MINDY3: variants seen among roughly 807,000 people sequenced by gnomAD.
MINDY3 encodes MINDY lysine 48 deubiquitinase 3.
Under a neutral mutation model 69.2 loss-of-function variants are expected in MINDY3, and 38 were observed. That is an observed-to-expected ratio of 0.55 (90% CI 0.42 to 0.72). MINDY3 has a LOEUF of 0.72. MINDY3 is among the 30% of genes least tolerant of loss of function. The pLI is 0.00. For synonymous variants in MINDY3, 192 were observed against 180.1 expected (o/e 1.07, Z -0.53); for missense variants, 522 against 519.0 (o/e 1.01, Z -0.06).
At chr10:15,846,541 TCTC>T (rs1169193639) in intron 2 of MINDY3, among the ~76,000 whole-genome samples, 2 of 151,938 alleles carry the variant, frequency 1.3e-5, no homozygotes, top group Non-Finnish European at 2.9e-5. Flanking sequence ...TTAAAAAAAT[TCTC>T]CTAATGCAAA....
At position 15,847,873 on chromosome 10, in the gene MINDY3, T is replaced by G; in HGVS notation, c.165A>C (p.Ala55=). 6.2e-7 allele frequency: 1 copy of G among 1,613,408 alleles called. No individual in the cohort carries two copies. Among genetic ancestry groups the G allele is most frequent in the Non-Finnish European group, 8.5e-7 (1 of 1,179,360 alleles). ...QFEGGPCAVI[A]PVQAFLLKKL... ...AAGGAGTCTATGTTACCTGAACAGG[T>G]GCAATAACAGCACAGGGGCCACCTT... The change falls in exon 2 of 15, where the codon GCA becomes GCC. Residue 55 remains alanine (A), a synonymous_variant. Transcript: ENST00000277632.
intron 9 of MINDY3, among the ~76,000 whole-genome samples, chr10:15,821,145 C>T (rs1262831499): frequency 1.3e-5 from 2 of 152,086 alleles, no homozygotes; most frequent in East Asian, 1.9e-4. Context: ...CAGTTCCTAA[C>T]CCTAGTGCAT....
At chr10:15,819,130 C>G (rs1277693580) in intron 9 of MINDY3, among the ~76,000 whole-genome samples, 4 of 152,108 alleles carry the variant, frequency 2.6e-5, no homozygotes, top group African/African-American at 9.7e-5. Flanking sequence ...TGTATTAATG[C>G]ATGTATAATC....
intron 1 of MINDY3, 111 bp downstream of exon 1, chr10:15,860,095 A>ACTGGGGCAGAGAGCGGGGCACGCGAGGGG: frequency 1.3e-6 from 1 of 781,730 alleles, no homozygotes; most frequent in Non-Finnish European, 2.1e-6. Flanking sequence ...GAGCACGGCG[A>ACTGGGGCAGAGAGCGGGGCACGCGAGGGG]CTGGGGCAGA....
chr10:15,799,373 A>G (rs1260611957), intron 10 of MINDY3, among the ~76,000 whole-genome samples: 1 of 151,804 alleles, frequency 6.6e-6, no homozygotes, highest in Non-Finnish European at 1.5e-5. Context: ...TAATTTTTGT[A>G]TTTTTAGTAG....
intron 13 of MINDY3, among the ~76,000 whole-genome samples, chr10:15,783,952 A>G (rs1836751277): frequency 6.6e-6 from 1 of 152,200 alleles, no homozygotes; most frequent in Non-Finnish European, 1.5e-5. Flanking sequence ...CCACTGGTAA[A>G]GTGCATAGAC....
At chr10:15,848,902 C>A (rs1025378442) in intron 1 of MINDY3, among the ~76,000 whole-genome samples, 2 of 152,036 alleles carry the variant, frequency 1.3e-5, no homozygotes, top group African/African-American at 2.4e-5. Context: ...ATGCTAAGAA[C>A]CTATAAATTC....
At chr10:15,816,574 A>T (rs530519716) in intron 10 of MINDY3, among the ~76,000 whole-genome samples, 258 of 144,856 alleles carry the variant, frequency 1.8e-3, no homozygotes, top group Non-Finnish European at 2.8e-3. Context: ...AACACAAGTG[A>T]TTTCTGAAAA....
intron 11 of MINDY3, among the ~76,000 whole-genome samples, chr10:15,795,176 A>G (rs1283660424): frequency 1.3e-5 from 2 of 152,082 alleles, no homozygotes; most frequent in Admixed American, 1.3e-4. Flanking sequence ...TGCTTTCCAC[A>G]TTATTCATTT....
intron 9 of MINDY3, among the ~76,000 whole-genome samples, chr10:15,819,313 A>G (rs1839594609): frequency 6.6e-6 from 1 of 152,194 alleles, no homozygotes; most frequent in South Asian, 2.1e-4. Flanking sequence ...AGAATTTGAG[A>G]AGTTAGAGAG....
chr10:15,817,088 G>T, intron 9 of MINDY3, 173 bp from the exon 10 acceptor site: 1 of 594,332 alleles, frequency 1.7e-6, no homozygotes, highest in Admixed American at 3.1e-5. Context: ...AAAAATGAGT[G>T]TTAGAAGACT....
intron 8 of MINDY3, among the ~76,000 whole-genome samples, chr10:15,828,578 TAA>T (rs57020273): frequency 6.9e-6 from 1 of 145,030 alleles, no homozygotes; most frequent in Non-Finnish European, 1.5e-5. Context: ...AAGCTATAAG[TAA>T]AAAAAAAAAA....
chr10:15,807,836 T>C (rs1387678075), intron 10 of MINDY3, among the ~76,000 whole-genome samples: 1 of 152,178 alleles, frequency 6.6e-6, no homozygotes, highest in Non-Finnish European at 1.5e-5. Flanking sequence ...AACCAGAATA[T>C]ACAAATACAG....
rs560082228 is a variant in MINDY3, at chr10:15,805,707, C to G, written c.883-9535G>C. Reference sequence around the variant, plus strand: ...ACTGGGAGTGACATTATGCTAGCTCCTAGCAGAAACTTTAAGTGCCACTAT... The same window carrying G: ...ACTGGGAGTGACATTATGCTAGCTCGTAGCAGAAACTTTAAGTGCCACTAT... On this transcript the variant is annotated intron_variant, in intron 10 of 14. Coordinates refer to ENST00000277632, the MANE Select transcript of MINDY3 (RefSeq NM_024948.4). 7.2e-5 allele frequency among the ~76,000 whole-genome samples: 11 copies of G among 152,290 alleles called. No individual in the cohort carries two copies. The South Asian group carries it at 1.2e-3, about 17-fold the overall frequency.
intron 10 of MINDY3, among the ~76,000 whole-genome samples, chr10:15,798,700 A>T (rs572328257): frequency 1.7e-4 from 26 of 152,236 alleles, no homozygotes; most frequent in African/African-American, 6.3e-4. Flanking sequence ...AAATCATTTG[A>T]ACCTGTGAGG....
At position 15,814,100 on chromosome 10, in the gene MINDY3, C is replaced by T. The variant is rs927615186; in HGVS notation, c.882+2735G>A. ...ATTCTTGTTATAATTTTAAGAAGAG[C>T]GAAATTTCCAGTATTTTTTATGTGG... is the stretch of plus-strand genomic sequence containing the variant. On this transcript the variant is annotated intron_variant, in intron 10 of 14. Transcript: ENST00000277632. Among the ~76,000 whole-genome samples, 7 of 151,878 alleles carry T rather than the reference C, an allele frequency of 4.6e-5. No individual in the cohort carries two copies. In the South Asian group the frequency reaches 1.0e-3, roughly 23 times the overall value.
At chr10:15,801,849 G>C (rs563139711) in intron 10 of MINDY3, among the ~76,000 whole-genome samples, 6 of 151,810 alleles carry the variant, frequency 4.0e-5, no homozygotes, top group African/African-American at 1.4e-4. Context: ...CAGAGTAAAG[G>C]GTTTCAAGAT....
intron 10 of MINDY3, among the ~76,000 whole-genome samples, chr10:15,807,186 ACACT>A (rs1354791054): frequency 6.6e-6 from 1 of 152,196 alleles, no homozygotes; most frequent in African/African-American, 2.4e-5. Flanking sequence ...CATTCAGTAA[ACACT>A]CACAGTAAAC....
At chr10:15,793,704 G>A (rs1837592516) in intron 11 of MINDY3, among the ~76,000 whole-genome samples, 1 of 152,080 alleles carries the variant, frequency 6.6e-6, no homozygotes, top group Non-Finnish European at 1.5e-5. Flanking sequence ...CTGGAGAAGT[G>A]ACTCAAACCA....
Sources: gnomAD v4.1 joint callset for allele counts (sites outside exome capture counted in the v4.1 genomes callset) on GRCh38, gnomAD v4.1.1 for gene constraint, MANE v1.5 for transcripts, NCBI Gene and HGNC (gene_info 2026-07-23, HGNC 2026-07-21) for gene names.